The following ZFHX3 variants were observed in gnomAD, a reference collection of about 807,000 sequenced individuals.
ZFHX3 encodes the protein zinc finger homeobox 3, also known as zinc finger homeobox protein 3.
Under a neutral mutation model 279.1 loss-of-function variants are expected in ZFHX3, and 42 were observed. The observed-to-expected ratio is 0.15, with a 90% confidence interval of 0.12 to 0.19. The LOEUF is 0.19. Ranked by LOEUF, ZFHX3 falls within the 10% of genes least tolerant of loss-of-function variation. ZFHX3 has a pLI of 1.00. For missense variants in ZFHX3, 4,981 were observed against 4,754.0 expected, an observed-to-expected ratio of 1.05 and a Z score of -1.40; for synonymous variants, 2,293 against 1,957.8, an observed-to-expected ratio of 1.17 and a Z score of -4.52.
chr16:73,889,220 A>G (rs1194649422), intron 1 of ZFHX3, among the ~76,000 whole-genome samples: 4 of 152,206 alleles, frequency 2.6e-5, no homozygotes, highest in Non-Finnish European at 5.9e-5. Flanking sequence ...AGATGGGAAT[A>G]AGGACACAGG....
At chr16:73,563,307 G>A (rs901113761) in intron 2 of ZFHX3, among the ~76,000 whole-genome samples, 4 of 149,422 alleles carry the variant, frequency 2.7e-5, no homozygotes, top group South Asian at 2.1e-4. Flanking sequence ...GTGTGATCTC[G>A]GCTCACTGCA....
chr16:72,950,935 A>G lies in ZFHX3; in HGVS notation c.2750T>C (p.Leu917Pro). The G allele has an allele frequency of 6.2e-7, 1 of 1,613,870 alleles. No homozygotes were observed. The highest frequency in any genetic ancestry group is 8.5e-7 in the Non-Finnish European group (1 of 1,179,962). Residue 917 changes from leucine (L) to proline (P), a missense_variant, in exon 3 of 10, where the codon CTC becomes CCC. By Grantham distance (98) the Leu-to-Pro change is moderately conservative. Coordinates refer to ENST00000268489, the MANE Select transcript of ZFHX3 (RefSeq NM_006885.4). ...VGGEIPLDMRLGGGQLVSEEL... is the reference protein window; with the variant it reads ...VGGEIPLDMRPGGGQLVSEEL... ...CTCTGACACCAGCTGCCCGCCCCCG[A>G]GCCGCATGTCTAGGGGGATCTCACC... is the stretch of plus-strand genomic sequence containing the variant.
At chr16:72,994,020 C>CA (rs1302650036) in intron 1 of ZFHX3, among the ~76,000 whole-genome samples, 1 of 152,168 alleles carries the variant, frequency 6.6e-6, no homozygotes, top group Admixed American at 6.5e-5. Flanking sequence ...ACAGATTTCT[C>CA]AGACACCCCT....
At chr16:73,777,743 T>C (rs1447318848) in intron 1 of ZFHX3, among the ~76,000 whole-genome samples, 6 of 152,102 alleles carry the variant, frequency 3.9e-5, no homozygotes, top group Admixed American at 3.9e-4. Context: ...TCCTCACACT[T>C]GCTATGTCTG....
intron 3 of ZFHX3, among the ~76,000 whole-genome samples, chr16:73,403,277 G>A (rs1192383824): frequency 6.6e-6 from 1 of 152,210 alleles, no homozygotes; most frequent in Non-Finnish European, 1.5e-5. Flanking sequence ...CGAGGGCTGC[G>A]ATTCCCCTGC....
At chr16:73,489,666 A>G (rs991390670) in intron 2 of ZFHX3, among the ~76,000 whole-genome samples, 5 of 152,250 alleles carry the variant, frequency 3.3e-5, no homozygotes, top group African/African-American at 9.6e-5. Context: ...ATATTCACAA[A>G]TAATTTATTT....
chr16:72,785,791 C>CCAAA lies in ZFHX3; in HGVS notation c.*1369_*1372dup, dbSNP rs1342006971. ...AAAAAAAGAATATTTGAAGCTCCTA[C>CCAAA]CAAACAAGGAGGAAAAGAAGGGGTA... On this transcript the variant is annotated 3_prime_UTR_variant, in exon 10 of 10. Coordinates refer to ENST00000268489, the MANE Select transcript of ZFHX3 (RefSeq NM_006885.4). The CCAAA allele has an allele frequency of 6.6e-6, 1 of 150,580 alleles. No homozygotes were observed. Among genetic ancestry groups the CCAAA allele is most frequent in the African/African-American group, 2.5e-5 (1 of 40,510 alleles). 9.3% of individuals were successfully genotyped at this position (150,580 alleles called of 1,614,324 possible).
chr16:73,502,439 C>A (rs2019255738), intron 2 of ZFHX3, among the ~76,000 whole-genome samples: 1 of 152,216 alleles, frequency 6.6e-6, no homozygotes, highest in Non-Finnish European at 1.5e-5. Flanking sequence ...CAGAAATGGG[C>A]CCCTGATCCC....
chr16:73,485,253 A>G (rs1331743640), intron 2 of ZFHX3, among the ~76,000 whole-genome samples: 1 of 152,122 alleles, frequency 6.6e-6, no homozygotes, highest in Non-Finnish European at 1.5e-5. Context: ...GAGGAGGAAA[A>G]TAGCCAACCA....
chr16:73,307,627 G>C (rs1322019859), intron 4 of ZFHX3, among the ~76,000 whole-genome samples: 1 of 152,164 alleles, frequency 6.6e-6, no homozygotes, highest in Non-Finnish European at 1.5e-5. Flanking sequence ...TTCTCAAGAG[G>C]AACCCAGCGA....
chr16:73,347,678 A>G (rs1017457301), intron 3 of ZFHX3, among the ~76,000 whole-genome samples: 1 of 152,264 alleles, frequency 6.6e-6, no homozygotes, highest in Non-Finnish European at 1.5e-5. Context: ...TGTCTGTTAC[A>G]GTAGTTAATT....
At chr16:72,935,847 C>T (rs1960094380) in intron 3 of ZFHX3, among the ~76,000 whole-genome samples, 1 of 151,992 alleles carries the variant, frequency 6.6e-6, no homozygotes, top group Non-Finnish European at 1.5e-5. Context: ...TGAGAATAAA[C>T]AGATCCCACC....
rs983198680 is a variant in ZFHX3, at chr16:73,620,991, T to A, written c.-1547+59189A>T. On this transcript the variant is annotated intron_variant, in intron 2 of 17. Coordinates refer to the ZFHX3 transcript ENST00000641206. ...ATTGTTACATCTTCCTGCCCCTTGG[T>A]CTCCTTGGGGGAAAAATGGGGATCG... Among the ~76,000 whole-genome samples, 8 of 152,302 alleles carry A rather than the reference T, an allele frequency of 5.3e-5. No homozygotes were observed. In the East Asian group the frequency reaches 1.4e-3, roughly 26 times the overall value.
At chr16:73,831,355 C>T (rs1029737470) in intron 1 of ZFHX3, among the ~76,000 whole-genome samples, 4 of 152,158 alleles carry the variant, frequency 2.6e-5, no homozygotes, top group Non-Finnish European at 5.9e-5. Context: ...GGAATCCCTG[C>T]AGGGTCAGAG....
chr16:73,402,142 C>T (rs538179961), intron 3 of ZFHX3: 1 of 152,212 alleles, frequency 6.6e-6, no homozygotes, highest in African/African-American at 2.4e-5. Flanking sequence ...ACTGGGTTAT[C>T]TTTGTTTCTT....
At chr16:72,988,849 G>C (rs1172974617) in intron 1 of ZFHX3, among the ~76,000 whole-genome samples, 1 of 152,088 alleles carries the variant, frequency 6.6e-6, no homozygotes, top group Non-Finnish European at 1.5e-5. Context: ...AATACTGATG[G>C]CATCATCTTG....
chr16:73,394,442 C>G (rs557053525), intron 3 of ZFHX3, among the ~76,000 whole-genome samples: 1 of 151,932 alleles, frequency 6.6e-6, no homozygotes, highest in African/African-American at 2.4e-5. Context: ...ATTACAGGTG[C>G]CCCCTACCAC....
In ZFHX3 at chr16:73,174,266, A is replaced by AAACAACAAC. The variant is rs140975222; in HGVS notation, c.-1103-30444_-1103-30436dup. ...AATGGGTGGTGTGTGTGTTCACACA[A>AAACAACAAC]AACAACAACAACAACAACAACAACA... On this transcript the variant is annotated intron_variant, in intron 5 of 17. Transcript: ENST00000641206. Among the ~76,000 whole-genome samples, 1,040 of 149,116 alleles carry AAACAACAAC rather than the reference A, an allele frequency of 7.0e-3. 11 individuals are homozygous for AAACAACAAC. The highest frequency in any genetic ancestry group is 0.017 in the African/African-American group (683 of 40,310).
chr16:73,059,218 A>G (rs1476919137), exon 1 of ZFHX3: 1 of 100,324 alleles, frequency 1.0e-5, no homozygotes, highest in African/African-American at 4.4e-5. Context: ...GAAGGGAGGA[A>G]AAAAAAAAAA....
Sources: allele counts gnomAD v4.1 joint callset (sites outside exome capture counted in the v4.1 genomes callset), GRCh38; gene constraint gnomAD v4.1.1; transcripts MANE v1.5; gene names NCBI Gene and HGNC (gene_info 2026-07-23, HGNC 2026-07-21).